GPHN: variants seen among roughly 807,000 people sequenced by gnomAD.
The protein encoded by GPHN is gephyrin.
Under a neutral mutation model 95.5 loss-of-function variants are expected in GPHN, and 17 were observed. That is an observed-to-expected ratio of 0.18 (90% CI 0.12 to 0.27). GPHN has a LOEUF of 0.27. Among genes scored for constraint, GPHN ranks in the 10% least tolerant of loss-of-function variants. The probability of loss-of-function intolerance (pLI) is 1.00; values close to 1 mark genes in which losing one functional copy is unlikely to be tolerated. For missense variants in GPHN, 660 were observed against 978.1 expected (o/e 0.67, Z 4.34); for synonymous variants, 320 against 322.5 (o/e 0.99, Z 0.08).
the GPHN span, chr14:67,590,248 A>AT: frequency 2.3e-5 from 27 of 1,178,218 alleles, no homozygotes; most frequent in South Asian, 8.8e-5. Context: ...TCCACTTGCA[A>AT]ATTTTTTTTT....
At chr14:67,585,807 T>G in the GPHN span, 1 of 1,038,142 alleles carries the variant, frequency 9.6e-7, no homozygotes, top group South Asian at 1.5e-5. Context: ...AGACACTGCT[T>G]GTAGATATTC....
At chr14:66,695,647 A>C (rs1214503104) in intron 2 of GPHN, among the ~76,000 whole-genome samples, 1 of 152,244 alleles carries the variant, frequency 6.6e-6, no homozygotes, top group Non-Finnish European at 1.5e-5. Context: ...ACTGTGGTAC[A>C]TCCAGATAAT....
chr14:66,763,044 G>A (rs2153453877), intron 2 of GPHN, among the ~76,000 whole-genome samples: 1 of 152,134 alleles, frequency 6.6e-6, no homozygotes, highest in East Asian at 1.9e-4. Flanking sequence ...AAGGCAAATA[G>A]TAATACCTAA....
chr14:67,132,088 T>A (rs2079753905), intron 17 of GPHN, among the ~76,000 whole-genome samples: 1 of 152,238 alleles, frequency 6.6e-6, no homozygotes, highest in African/African-American at 2.4e-5. Flanking sequence ...CTCCTCTTGC[T>A]GCTGCGAATT....
chr14:67,405,396 T>C, the GPHN span, among the ~76,000 whole-genome samples: 1 of 152,152 alleles, frequency 6.6e-6, no homozygotes, highest in Non-Finnish European at 1.5e-5. Context: ...ATTCATTCAT[T>C]CATTTAATAA....
chr14:67,355,449 C>CAAAAAAAAAAAAAAAAAAAAA, the GPHN span, among the ~76,000 whole-genome samples: 1 of 18,944 alleles, frequency 5.3e-5, no homozygotes, highest in Non-Finnish European at 1.1e-4. Flanking sequence ...GACCCTGTCT[C>CAAAAAAAAAAAAAAAAAAAAA]AAAAAAAAAA....
intron 5 of GPHN, among the ~76,000 whole-genome samples, chr14:66,899,506 T>C (rs937025685): frequency 1.3e-5 from 2 of 151,966 alleles, no homozygotes; most frequent in Non-Finnish European, 2.9e-5. Context: ...GAATTTCCTG[T>C]GTTAATTGAT....
chr14:67,204,359 G>A, the GPHN span: 1 of 457,268 alleles, frequency 2.2e-6, no homozygotes, highest in African/African-American at 2.1e-5. Context: ...GGACCACTTA[G>A]GCACAGGAAG....
At chr14:67,038,941 G>A (rs1399480314) in intron 10 of GPHN, among the ~76,000 whole-genome samples, 4 of 152,100 alleles carry the variant, frequency 2.6e-5, no homozygotes, top group African/African-American at 9.7e-5. Flanking sequence ...CATTCTTGTT[G>A]TAATAGTTCA....
chr14:66,695,489 C>G (rs1387700251), intron 2 of GPHN, among the ~76,000 whole-genome samples: 1 of 152,142 alleles, frequency 6.6e-6, no homozygotes, highest in Non-Finnish European at 1.5e-5. Flanking sequence ...AACATGCATT[C>G]CAGCAGTTTT....
rs552281115 is a variant in GPHN at position 66,825,550 on chromosome 14, C to G, written c.294+984C>G. Among the ~76,000 whole-genome samples, 157 of 152,176 alleles carry G rather than the reference C, an allele frequency of 1.0e-3. 1 individual carries two copies. The highest frequency in any genetic ancestry group is 3.7e-3 in the African/African-American group (153 of 41,532). The stretch of plus-strand genomic sequence containing the variant: ...TAGAGTTTCTGATTTAGTAAAGCTG[C>G]AATGGGTCTTGAGAATCTGTATTTC... On this transcript the variant is annotated intron_variant, in intron 4 of 22. Coordinates refer to ENST00000478722, the MANE Select transcript of GPHN (RefSeq NM_020806.5).
At chr14:67,650,410 C>T in the GPHN span, 1 of 354,276 alleles carries the variant, frequency 2.8e-6, no homozygotes, top group Non-Finnish European at 5.2e-6. Context: ...ACCTCCCCCA[C>T]CCAACACCAA....
chr14:67,162,969 C>T (rs531212997), intron 19 of GPHN, among the ~76,000 whole-genome samples: 19 of 152,198 alleles, frequency 1.2e-4, no homozygotes, highest in African/African-American at 4.6e-4. Context: ...TGTTGTAAGA[C>T]TTAAATGAAA....
At chr14:66,609,792 G>T (rs1010368489) in intron 1 of GPHN, among the ~76,000 whole-genome samples, 1 of 152,002 alleles carries the variant, frequency 6.6e-6, no homozygotes, top group African/African-American at 2.4e-5. Context: ...AGTTCAGTTC[G>T]GTTCTTTTTA....
At chr14:67,042,620 T>C (rs2074768667) in intron 10 of GPHN, among the ~76,000 whole-genome samples, 1 of 152,238 alleles carries the variant, frequency 6.6e-6, no homozygotes, top group Non-Finnish European at 1.5e-5. Context: ...CATGCTGTTT[T>C]GGTTACTCTA....
chr14:67,048,201 A>G (rs1253540433), intron 10 of GPHN, among the ~76,000 whole-genome samples: 1 of 152,152 alleles, frequency 6.6e-6, no homozygotes, highest in Non-Finnish European at 1.5e-5. Flanking sequence ...TTAGTATTTA[A>G]CCATGTCTTT....
At chr14:67,185,178 A>G (rs1316801467), downstream of GPHN, among the ~76,000 whole-genome samples, 2 of 152,220 alleles carry the variant, frequency 1.3e-5, no homozygotes, top group African/African-American at 4.8e-5. Flanking sequence ...AACTGATAAC[A>G]AAGTAGAGGG....
At chr14:67,425,479 G>T in the GPHN span, among the ~76,000 whole-genome samples, 1 of 151,910 alleles carries the variant, frequency 6.6e-6, no homozygotes, top group East Asian at 2.0e-4. Context: ...GAAGGTGGAG[G>T]TTGCAGTGAG....
chr14:66,659,498 C>A (rs1337329250), intron 1 of GPHN, among the ~76,000 whole-genome samples: 2 of 151,824 alleles, frequency 1.3e-5, no homozygotes, highest in Non-Finnish European at 2.9e-5. Flanking sequence ...ATAACTAGTT[C>A]TTTCTAATTT....
Sources: gnomAD v4.1 joint callset for allele counts (sites outside exome capture counted in the v4.1 genomes callset) on GRCh38, gnomAD v4.1.1 for gene constraint, MANE v1.5 for transcripts, NCBI Gene and HGNC (gene_info 2026-07-23, HGNC 2026-07-21) for gene names.